The following MICALL2 variants were observed in gnomAD, a reference collection of about 807,000 sequenced individuals.
MICALL2 encodes the protein MICAL like 2, also known as MICAL-like protein 2.
MICALL2 carries 111 observed loss-of-function variants against 91.1 expected under a neutral mutation model. That is an observed-to-expected ratio of 1.22 (90% confidence interval 1.04 to 1.43). MICALL2 has a LOEUF of 1.43. Among genes scored for constraint, MICALL2 ranks in the 40% most tolerant of loss-of-function variants. MICALL2 has a pLI of 0.00. For missense variants in MICALL2, 1,556 were observed against 1,236.0 expected (o/e 1.26, Z -3.88); for synonymous variants, 694 against 525.3 (o/e 1.32, Z -4.39).
Position 1,440,077 on chromosome 7 carries a change from T to C in MICALL2, c.1814A>G (p.Lys605Arg), listed in dbSNP as rs1780207009. 6.3e-7 allele frequency: 1 copy of C among 1,588,946 alleles called. No individual in the cohort carries two copies. The highest frequency in any genetic ancestry group is 1.4e-5 in the African/African-American group (1 of 72,926). The part of the protein sequence containing the change: ...DRRSPAERTL[K>R]PKEPRALAEP... ...TGCCAGGGCCCGTGGTTCCTTGGGC[T>C]TCAGAGTCCTGGGCAGAAGGCATGA... Residue 605 changes from lysine (K) to arginine (R), a missense_variant, in exon 9 of 17, where the codon AAG becomes AGG. Coordinates refer to ENST00000297508, the MANE Select transcript of MICALL2 (RefSeq NM_182924.4).
chr7:1,444,861 G>A lies in MICALL2; in HGVS notation c.1209C>T (p.Pro403=), dbSNP rs954755603. The A allele has an allele frequency of 1.9e-6, 3 of 1,601,948 alleles. No homozygotes were observed. Among genetic ancestry groups the A allele is most frequent in the African/African-American group, 2.7e-5 (2 of 74,838 alleles). Residue 403 remains proline, a synonymous_variant, in exon 6 of 17, where the codon CCC becomes CCT. Transcript: ENST00000297508. ...SSSTSAATVD[P]PAWTPSASRT... ...TGGAGGCGGACGGGGTCCAGGCTGG[G>A]GGGTCCACCGTGGCTGCAGATGTGG...
intron 2 of MICALL2, among the ~76,000 whole-genome samples, chr7:1,449,291 C>CTGGA (rs766443330): frequency 1.1e-4 from 16 of 152,240 alleles, no homozygotes; most frequent in Non-Finnish European, 2.2e-4. Context: ...ACTTGAGGAA[C>CTGGA]TGGACTTGTT....
Position 1,434,414 on chromosome 7 carries a change from C to A in MICALL2, c.*182G>T, listed in dbSNP as rs745979704. On this transcript the variant is annotated 3_prime_UTR_variant, in exon 17 of 17. Transcript: ENST00000297508. ...AGACCACAGACGGTAGCGCAGGTCC[C>A]TGCTGTCCACATGCCCCTTGTAGGG... is the stretch of plus-strand genomic sequence containing the variant. 7.2e-6 allele frequency: 5 copies of A among 699,208 alleles called. No individual in the cohort carries two copies. Among genetic ancestry groups the A allele is most frequent in the African/African-American group, 1.8e-5 (1 of 57,102 alleles). The allele number at this position is 699,208 out of a possible 1,614,324, so 43.3% of individuals were successfully genotyped here.
chr7:1,451,028 A>G lies in MICALL2; in HGVS notation c.144-740T>C, dbSNP rs535500873. On this transcript the variant is annotated intron_variant, in intron 1 of 16. Transcript: ENST00000297508. The surrounding 1 kb of genome is among the most constrained non-coding windows in gnomAD (Gnocchi z 4.5). ...CAGCTGCCAAGCCCACTGAGGTTAC[A>G]TGGTTCTCTCTTTGGGTGGTGGAGT... 7.6e-4 allele frequency among the ~76,000 whole-genome samples: 115 copies of G among 152,268 alleles called. No homozygotes were observed. Among genetic ancestry groups the G allele is most frequent in the Middle Eastern group, 3.4e-3 (1 of 294 alleles).
At position 1,439,528 on chromosome 7, in the gene MICALL2, GAC is replaced by G. The variant is rs1295916723; in HGVS notation, c.1966+395_1966+396del. The stretch of plus-strand genomic sequence containing the variant: ...CACATGCATCACATACACGAACACA[GAC>G]ACATGGACACGCATCACACATGTAC... On this transcript the variant is annotated intron_variant, in intron 9 of 16. Coordinates refer to ENST00000297508, the MANE Select transcript of MICALL2 (RefSeq NM_182924.4). The G allele has an allele frequency of 5.7e-4, 113 of 198,974 alleles. 1 individual carries two copies. The South Asian group carries it at 0.016, about 27-fold the overall frequency. 12.3% of individuals were successfully genotyped at this position (198,974 alleles called of 1,614,324 possible).
At chr7:1,459,130 T>G in intron 1 of MICALL2, 54 bp downstream of exon 1, 1 of 1,534,202 alleles carries the variant, frequency 6.5e-7, no homozygotes, top group Non-Finnish European at 8.9e-7. Flanking sequence ...TCCCCGCCCG[T>G]GTCAGCGCGC....
intron 14 of MICALL2, 87 bp downstream of exon 14, chr7:1,437,448 G>A: frequency 4.1e-6 from 5 of 1,233,308 alleles, no homozygotes; most frequent in Middle Eastern, 2.4e-4. Context: ...AGGACAGTCA[G>A]GTGGCCTCAC....
Position 1,437,961 on chromosome 7 carries a change from G to A in MICALL2, c.2331C>T (p.Leu777=), listed in dbSNP as rs1780056960. The change falls in exon 13 of 17, where the codon CTC becomes CTT. Residue 777 remains leucine, a synonymous_variant. Coordinates refer to ENST00000297508, the MANE Select transcript of MICALL2 (RefSeq NM_182924.4). Reference sequence around the variant, plus strand: ...GAATGAGCCAGAACCAGTCCACCATGAGGCTATCCTCAGCGTCATCTGGGG... The same window carrying A: ...GAATGAGCCAGAACCAGTCCACCATAAGGCTATCCTCAGCGTCATCTGGGG... The part of the protein sequence containing the change: ...AAEGDDAEDS[L]MVDWFWLIHE... 1.3e-6 allele frequency: 2 copies of A among 1,550,270 alleles called. No individual in the cohort carries two copies. Among genetic ancestry groups the A allele is most frequent in the South Asian group, 1.2e-5 (1 of 84,056 alleles).
At chr7:1,440,751 G>T in intron 7 of MICALL2, 67 bp from the exon 8 acceptor site, 1 of 1,363,744 alleles carries the variant, frequency 7.3e-7, no homozygotes, top group South Asian at 1.2e-5. Flanking sequence ...TGCAAGGGTG[G>T]CTGTGCCTCC....
chr7:1,451,253 T>C lies in MICALL2; in HGVS notation c.144-965A>G, dbSNP rs1424217187. On this transcript the variant is annotated intron_variant, in intron 1 of 16. Transcript: ENST00000297508. This position sits in a 1 kb window ranked among gnomAD's most constrained non-coding sequence, Gnocchi z 4.5. Reference sequence around the variant, plus strand: ...ACTCCTGATGGGCACCTTGGGAGGATACCCTGGGCAGAAAACACACCAAGA... The same window carrying C: ...ACTCCTGATGGGCACCTTGGGAGGACACCCTGGGCAGAAAACACACCAAGA... Among the ~76,000 whole-genome samples, 1 of 152,042 alleles carries C rather than the reference T, an allele frequency of 6.6e-6. No homozygotes were observed. Among genetic ancestry groups the C allele is most frequent in the Admixed American group, 6.6e-5 (1 of 15,256 alleles).
At chr7:1,459,105 G>T in intron 1 of MICALL2, 79 bp downstream of exon 1, 5 of 1,442,518 alleles carry the variant, frequency 3.5e-6, no homozygotes, top group Non-Finnish European at 3.8e-6. Flanking sequence ...TCCCCCAGCC[G>T]CCCGGGCCTC....
Position 1,442,368 on chromosome 7 carries a change from G to C in MICALL2, c.1535C>G (p.Ser512Trp), listed in dbSNP as rs543273285. The C allele has an allele frequency of 6.2e-7, 1 of 1,611,808 alleles. No homozygotes were observed. The highest frequency in any genetic ancestry group is 1.3e-5 in the African/African-American group (1 of 75,024). Residue 512 changes from serine to tryptophan, a missense_variant, in exon 7 of 17, where the codon TCG (serine) becomes TGG (tryptophan). By Grantham distance (177) the Ser-to-Trp change is radical. Coordinates refer to ENST00000297508, the MANE Select transcript of MICALL2 (RefSeq NM_182924.4). Reference protein sequence around the residue: ...SSSPRVLGLPSRMEPPAPLST... With the variant: ...SSSPRVLGLPWRMEPPAPLST... ...CAGCGGGGCTGGCGGTTCCATCCTCGAAGGGAGGCCAAGCACCCGGGGAGA... is the reference window on the plus strand; with the variant it reads ...CAGCGGGGCTGGCGGTTCCATCCTCCAAGGGAGGCCAAGCACCCGGGGAGA...
Position 1,434,405 on chromosome 7 carries a change from C to G in MICALL2, c.*191G>C. On this transcript the variant is annotated 3_prime_UTR_variant, in exon 17 of 17. Coordinates refer to ENST00000297508, the MANE Select transcript of MICALL2 (RefSeq NM_182924.4). ...TCTTTATTGAGACCACAGACGGTAG[C>G]GCAGGTCCCTGCTGTCCACATGCCC... The G allele has an allele frequency of 1.4e-6, 1 of 694,734 alleles. No homozygotes were observed. Among genetic ancestry groups the G allele is most frequent in the Non-Finnish European group, 2.6e-6 (1 of 380,174 alleles). The allele number at this position is 694,734 out of a possible 1,614,324, so 43.0% of individuals were successfully genotyped here.
chr7:1,439,354 CATTCATGAAA>C, intron 9 of MICALL2: 1 of 265,504 alleles, frequency 3.8e-6, no homozygotes. Flanking sequence ...ACATGCATCA[CATTCATGAAA>C]CAGATCCACA....
chr7:1,439,307 A>G, intron 9 of MICALL2: 1 of 372,146 alleles, frequency 2.7e-6, no homozygotes, highest in East Asian at 4.7e-5. Flanking sequence ...GTGCACACAC[A>G]CGCATCACAC....
At chr7:1,440,409 T>TGCCCCCAAACCAGGGACAGCG (rs1780224354) in intron 8 of MICALL2, 182 bp downstream of exon 8, 1 of 656,376 alleles carries the variant, frequency 1.5e-6, no homozygotes, top group Non-Finnish European at 2.7e-6. Flanking sequence ...CACGCAACGC[T>TGCCCCCAAACCAGGGACAGCG]GCCCCCAAAC....
At chr7:1,442,575 A>C (rs369303719) in intron 6 of MICALL2, 91 bp from the exon 7 acceptor site, 6 of 1,260,338 alleles carry the variant, frequency 4.8e-6, no homozygotes, top group East Asian at 2.5e-5. Flanking sequence ...CCTGCAGCTC[A>C]CTCCCAATGC....
At chr7:1,448,302 G>A (rs1473745686) in intron 3 of MICALL2, among the ~76,000 whole-genome samples, 1 of 152,252 alleles carries the variant, frequency 6.6e-6, no homozygotes, top group African/African-American at 2.4e-5. Flanking sequence ...CCCATGAGGG[G>A]CAGGGCGGCA....
In MICALL2 at chr7:1,445,248, C is replaced by G. The variant is rs1780518004; in HGVS notation, c.822G>C (p.Gln274His). The G allele has an allele frequency of 1.9e-6, 3 of 1,612,348 alleles. No homozygotes were observed. Among genetic ancestry groups the G allele is most frequent in the Non-Finnish European group, 2.5e-6 (3 of 1,179,784 alleles). ...GVDSRTSCSP[Q>H]KAQEANKARP... is the part of the protein sequence containing the mutation. ...TGGCCTTGTTTGCCTCCTGGGCCTT[C>G]TGTGGGGAACAGGAGGTCCTGGAAT... The change falls in exon 6 of 17, where the codon CAG becomes CAC. Residue 274 changes from glutamine (Q) to histidine (H), a missense_variant. Coordinates refer to ENST00000297508, the MANE Select transcript of MICALL2 (RefSeq NM_182924.4).
Sources: allele counts gnomAD v4.1 joint callset (sites outside exome capture counted in the v4.1 genomes callset), GRCh38; gene constraint gnomAD v4.1.1; non-coding constraint Gnocchi (gnomAD v3.1); transcripts MANE v1.5; gene names NCBI Gene and HGNC (gene_info 2026-07-23, HGNC 2026-07-21).